RIMS3: variants seen among roughly 807,000 people sequenced by gnomAD.
The protein encoded by RIMS3 is regulating synaptic membrane exocytosis 3, also known as regulating synaptic membrane exocytosis protein 3.
A neutral mutation model predicts 29.2 loss-of-function variants in RIMS3; 15 were observed. That is an observed-to-expected ratio of 0.51 (90% CI 0.34 to 0.79). RIMS3 has a LOEUF of 0.79. Ranked by LOEUF, RIMS3 falls within the 30% of genes least tolerant of loss-of-function variation. The pLI, the probability that RIMS3 is intolerant of heterozygous loss-of-function variation, is 0.01. For missense variants in RIMS3, 342 were observed against 421.4 expected (o/e 0.81, Z 1.65); for synonymous variants, 161 against 170.1 (o/e 0.95, Z 0.41).
chr1:40,676,557 T>C, the RIMS3 span, among the ~76,000 whole-genome samples: 1 of 152,220 alleles, frequency 6.6e-6, no homozygotes, highest in African/African-American at 2.4e-5. Flanking sequence ...TTTTGGCTCC[T>C]GAATGCCCTA....
At chr1:40,652,573 T>C (rs571942293) in intron 1 of RIMS3, among the ~76,000 whole-genome samples, 32 of 152,224 alleles carry the variant, frequency 2.1e-4, no homozygotes, top group Non-Finnish European at 2.8e-4. Context: ...CGGCAACTAC[T>C]GGGAAGGCCC....
At chr1:40,684,663 G>C in the RIMS3 span, among the ~76,000 whole-genome samples, 1 of 152,222 alleles carries the variant, frequency 6.6e-6, no homozygotes, top group African/African-American at 2.4e-5. Context: ...GCTGTAGCTA[G>C]TCTCTTGACA....
chr1:40,661,754 T>G (rs969018233), intron 1 of RIMS3, among the ~76,000 whole-genome samples: 4 of 152,248 alleles, frequency 2.6e-5, no homozygotes, highest in African/African-American at 9.6e-5. Context: ...CAGAGACGGG[T>G]ATGCCTTCCC....
intron 1 of RIMS3, among the ~76,000 whole-genome samples, chr1:40,661,195 C>T (rs1242590233): frequency 2.0e-5 from 3 of 152,142 alleles, no homozygotes; most frequent in Middle Eastern, 6.3e-3. Flanking sequence ...ATCTATACCA[C>T]AGAGATGATA....
At chr1:40,628,730 A>C in intron 7 of RIMS3, 80 bp downstream of exon 7, 1 of 1,583,218 alleles carries the variant, frequency 6.3e-7, no homozygotes, top group Non-Finnish European at 8.7e-7. Context: ...CTGGCACAGG[A>C]TGAATCATAA....
At chr1:40,642,753 C>G (rs979286084) in intron 2 of RIMS3, among the ~76,000 whole-genome samples, 1 of 150,894 alleles carries the variant, frequency 6.6e-6, no homozygotes, top group African/African-American at 2.4e-5. Flanking sequence ...GTCAGGAGTT[C>G]GAGACCAGCC....
chr1:40,659,161 G>C (rs993125312), intron 1 of RIMS3, among the ~76,000 whole-genome samples: 1 of 152,126 alleles, frequency 6.6e-6, no homozygotes, highest in African/African-American at 2.4e-5. Flanking sequence ...CATTCTCCAT[G>C]GAGACAAAGT....
the RIMS3 span, among the ~76,000 whole-genome samples, chr1:40,687,339 C>T: frequency 2.6e-5 from 4 of 152,042 alleles, no homozygotes; most frequent in Non-Finnish European, 5.9e-5. Context: ...CGGTGGCTCA[C>T]GTCTGTAATC....
intron 1 of RIMS3, among the ~76,000 whole-genome samples, chr1:40,656,355 G>T (rs917196165): frequency 1.3e-5 from 2 of 152,198 alleles, no homozygotes; most frequent in Non-Finnish European, 2.9e-5. Flanking sequence ...AATAGAAAAT[G>T]ACAATAAAAC....
At chr1:40,688,712 G>A in the RIMS3 span, among the ~76,000 whole-genome samples, 2 of 152,130 alleles carry the variant, frequency 1.3e-5, no homozygotes, top group Admixed American at 6.5e-5. Context: ...GAGATGACAC[G>A]GGCAAGGAAA....
At chr1:40,658,909 G>T (rs1212510196) in intron 1 of RIMS3, among the ~76,000 whole-genome samples, 1 of 152,154 alleles carries the variant, frequency 6.6e-6, no homozygotes, top group East Asian at 1.9e-4. Context: ...TATAAGCAAA[G>T]ACCTAATTAA....
the RIMS3 span, among the ~76,000 whole-genome samples, chr1:40,674,622 T>A: frequency 2.9e-4 from 44 of 152,272 alleles, no homozygotes; most frequent in African/African-American, 1.0e-3. Context: ...ATAAATAAAT[T>A]AATGACGATA....
intron 2 of RIMS3, among the ~76,000 whole-genome samples, chr1:40,645,018 G>A (rs1362721648): frequency 6.6e-6 from 1 of 152,236 alleles, no homozygotes; most frequent in African/African-American, 2.4e-5. Flanking sequence ...GCAAAGTATA[G>A]CTGACAGAGT....
At chr1:40,634,913 C>T (rs1570175331) in intron 4 of RIMS3, among the ~76,000 whole-genome samples, 1 of 147,162 alleles carries the variant, frequency 6.8e-6, no homozygotes, top group African/African-American at 2.5e-5. Flanking sequence ...TGCACTCCAG[C>T]GTGGGCAACA....
At chr1:40,691,471 T>TGGTGGAGGTCACTGGGCAGCGC in the RIMS3 span, 1 of 295,152 alleles carries the variant, frequency 3.4e-6, no homozygotes, top group Non-Finnish European at 6.7e-6. Flanking sequence ...ATAGGCAGGG[T>TGGTGGAGGTCACTGGGCAGCGC]GGTGGAGGTC....
chr1:40,642,118 G>A (rs1275982889), intron 2 of RIMS3, among the ~76,000 whole-genome samples, 162 bp from the exon 3 acceptor site: 4 of 152,196 alleles, frequency 2.6e-5, no homozygotes, highest in Non-Finnish European at 5.9e-5. Flanking sequence ...ACAGGTTCTG[G>A]CTCAATAAAA....
chr1:40,688,166 T>C, the RIMS3 span, among the ~76,000 whole-genome samples: 1 of 152,260 alleles, frequency 6.6e-6, no homozygotes, highest in South Asian at 2.1e-4. Flanking sequence ...GGTTTTACCA[T>C]GTTGATCAGG....
At chr1:40,629,831 C>T (rs1286765228) in intron 5 of RIMS3, among the ~76,000 whole-genome samples, 1 of 152,100 alleles carries the variant, frequency 6.6e-6, no homozygotes, top group Non-Finnish European at 1.5e-5. Context: ...AATCCCAACA[C>T]TTTGGGAGGC....
At chr1:40,642,203 G>A (rs1473222377) in intron 2 of RIMS3, among the ~76,000 whole-genome samples, 1 of 152,196 alleles carries the variant, frequency 6.6e-6, no homozygotes, top group Non-Finnish European at 1.5e-5. Flanking sequence ...CCGAGGCTGT[G>A]GAGTCACATG....
Sources: gnomAD v4.1 joint callset for allele counts (sites outside exome capture counted in the v4.1 genomes callset) on GRCh38, gnomAD v4.1.1 for gene constraint, MANE v1.5 for transcripts, NCBI Gene and HGNC (gene_info 2026-07-23, HGNC 2026-07-21) for gene names.